Variants in NXPH1 observed in about 807,000 individuals in gnomAD.
NXPH1 encodes neurexophilin-1.
In NXPH1, 5 loss-of-function variants were observed where a neutral mutation model predicts 23.7. The observed-to-expected ratio is 0.21, with a 90% CI of 0.11 to 0.44. The LOEUF (loss-of-function observed/expected upper bound fraction) is 0.44. Ranked by LOEUF, NXPH1 falls within the 20% of genes least tolerant of loss-of-function variation. The probability of loss-of-function intolerance (pLI) is 0.99; values close to 1 mark genes in which losing one functional copy is unlikely to be tolerated. For missense variants in NXPH1, 324 were observed against 321.6 expected (o/e 1.01, Z -0.06); for synonymous variants, 144 against 122.2 (o/e 1.18, Z -1.18).
chr7:8,541,484 G>A (rs2349488), intron 2 of NXPH1, among the ~76,000 whole-genome samples: 58,303 of 151,224 alleles, frequency 0.39, 11,532 homozygotes, highest in Middle Eastern at 0.6. Flanking sequence ...AGTCCAATGA[G>A]CCCTAATCAC....
intron 2 of NXPH1, among the ~76,000 whole-genome samples, chr7:8,467,890 G>A (rs1485027496): frequency 1.3e-5 from 2 of 152,060 alleles, no homozygotes; most frequent in African/African-American, 4.8e-5. Flanking sequence ...TATTTATTTT[G>A]AGTCAGCTTC....
chr7:8,524,001 T>C (rs1817819524), intron 2 of NXPH1, among the ~76,000 whole-genome samples: 2 of 152,012 alleles, frequency 1.3e-5, no homozygotes, highest in South Asian at 4.2e-4. Flanking sequence ...TCCCAGCACT[T>C]TGGGAGGCTG....
chr7:8,545,608 G>A (rs1273947915), intron 2 of NXPH1, among the ~76,000 whole-genome samples: 1 of 151,336 alleles, frequency 6.6e-6, no homozygotes, highest in African/African-American at 2.4e-5. Flanking sequence ...ACAAAATACT[G>A]TATTTGCTCT....
intron 2 of NXPH1, among the ~76,000 whole-genome samples, chr7:8,575,657 A>C (rs1285371330): frequency 2.6e-5 from 4 of 152,086 alleles, no homozygotes; most frequent in Non-Finnish European, 5.9e-5. Flanking sequence ...GGATAGGCCT[A>C]TGCACTTAAT....
intron 2 of NXPH1, among the ~76,000 whole-genome samples, chr7:8,496,116 C>CT: frequency 6.6e-6 from 1 of 152,120 alleles, no homozygotes; most frequent in South Asian, 2.1e-4. Flanking sequence ...AAACAGCACA[C>CT]TAAAAGCCCA....
At chr7:8,497,170 G>A (rs1817352233) in intron 2 of NXPH1, among the ~76,000 whole-genome samples, 1 of 152,080 alleles carries the variant, frequency 6.6e-6, no homozygotes. Flanking sequence ...CTTCATCCAT[G>A]TCCCTACAAA....
chr7:8,595,012 C>T (rs568688144), intron 2 of NXPH1, among the ~76,000 whole-genome samples: 10 of 152,046 alleles, frequency 6.6e-5, no homozygotes, highest in African/African-American at 1.9e-4. Context: ...CCGAGGTTCA[C>T]AAAAGTGAAG....
At chr7:8,511,546 T>A (rs946513770) in intron 2 of NXPH1, among the ~76,000 whole-genome samples, 1 of 152,096 alleles carries the variant, frequency 6.6e-6, no homozygotes, top group African/African-American at 2.4e-5. Context: ...TCCTTCACTC[T>A]GTAAGGAGTG....
rs576042104 is a variant in NXPH1, at chr7:8,650,747, A to G, written c.55-100261A>G. Reference sequence around the variant, plus strand: ...ATCCTATTGTAATTCACTTGTGTATATCAATGACTGGAAAAAGTGAAATGA... The same window carrying G: ...ATCCTATTGTAATTCACTTGTGTATGTCAATGACTGGAAAAAGTGAAATGA... On this transcript the variant is annotated intron_variant, in intron 2 of 2. Transcript: ENST00000405863. Among the ~76,000 whole-genome samples, 3 of 152,350 alleles carry G rather than the reference A, an allele frequency of 2.0e-5. No homozygotes were observed. In the East Asian group the frequency reaches 5.8e-4, roughly 29 times the overall value.
At chr7:8,483,609 C>T (rs1817110287) in intron 2 of NXPH1, among the ~76,000 whole-genome samples, 1 of 152,126 alleles carries the variant, frequency 6.6e-6, no homozygotes, top group Admixed American at 6.6e-5. Flanking sequence ...ACACCTGGCT[C>T]AAAACCACAT....
chr7:8,557,422 T>C (rs1358604690), intron 2 of NXPH1, among the ~76,000 whole-genome samples: 2 of 151,692 alleles, frequency 1.3e-5, no homozygotes, highest in African/African-American at 4.8e-5. Context: ...ACTGGGGTCA[T>C]GCTTGCTTTG....
chr7:8,481,020 C>T (rs190327516), intron 2 of NXPH1, among the ~76,000 whole-genome samples: 218 of 152,240 alleles, frequency 1.4e-3, no homozygotes, highest in African/African-American at 4.9e-3. Flanking sequence ...ATTTGTACAT[C>T]GGTGCTCAGG....
intron 2 of NXPH1, among the ~76,000 whole-genome samples, chr7:8,506,341 G>C (rs536137671): frequency 1.3e-5 from 2 of 152,188 alleles, no homozygotes; most frequent in African/African-American, 2.4e-5. Context: ...CTAGGAGCAA[G>C]GGACATGGGT....
chr7:8,631,909 T>C (rs1820137496), intron 2 of NXPH1, among the ~76,000 whole-genome samples: 1 of 152,192 alleles, frequency 6.6e-6, no homozygotes, highest in African/African-American at 2.4e-5. Flanking sequence ...TCAAATGTAT[T>C]TGATCAAGAT....
chr7:8,727,944 A>T (rs1460683475), intron 2 of NXPH1, among the ~76,000 whole-genome samples: 1 of 151,602 alleles, frequency 6.6e-6, no homozygotes. Context: ...GGCCATTTTC[A>T]TGATATTGAT....
At chr7:8,682,855 G>A (rs529635621) in intron 2 of NXPH1, among the ~76,000 whole-genome samples, 1 of 152,350 alleles carries the variant, frequency 6.6e-6, no homozygotes, top group South Asian at 2.1e-4. Context: ...AGAATGTGAT[G>A]TTGAATATTT....
At chr7:8,721,316 T>C (rs1779966431) in intron 2 of NXPH1, among the ~76,000 whole-genome samples, 1 of 152,132 alleles carries the variant, frequency 6.6e-6, no homozygotes, top group Admixed American at 6.5e-5. Flanking sequence ...AACTAATTGG[T>C]GAATCTCGGT....
intron 2 of NXPH1, among the ~76,000 whole-genome samples, chr7:8,626,857 A>T (rs979177055): frequency 1.3e-5 from 2 of 151,884 alleles, no homozygotes; most frequent in Non-Finnish European, 2.9e-5. Flanking sequence ...TTTTCTGGGC[A>T]CTCTGCCTAC....
At chr7:8,708,002 TTAAA>T (rs777129043) in intron 2 of NXPH1, among the ~76,000 whole-genome samples, 5 of 152,170 alleles carry the variant, frequency 3.3e-5, no homozygotes, top group Non-Finnish European at 7.4e-5. Flanking sequence ...ACATAAATCT[TTAAA>T]TAATTTAATA....
Sources: allele counts gnomAD v4.1 joint callset (sites outside exome capture counted in the v4.1 genomes callset), GRCh38; gene constraint gnomAD v4.1.1; transcripts MANE v1.5; gene names NCBI Gene and HGNC (gene_info 2026-07-23, HGNC 2026-07-21).